TMEM260: variants seen among roughly 807,000 people sequenced by gnomAD.
The protein encoded by TMEM260 is protein O-mannosyl-transferase TMEM260.
Under a neutral mutation model 88.9 loss-of-function variants are expected in TMEM260, and 82 were observed. The ratio of observed to expected loss-of-function variants is 0.92; its 90% CI spans 0.77 to 1.11. The LOEUF (loss-of-function observed/expected upper bound fraction) is 1.11, where lower values mean the gene tolerates loss of function less well. Ranked by LOEUF, TMEM260 falls within the 50% of genes least tolerant of loss-of-function variation. The pLI, the probability that TMEM260 is intolerant of heterozygous loss-of-function variation, is 0.00. For missense variants in TMEM260, 902 were observed against 853.4 expected (o/e 1.06, Z -0.71); for synonymous variants, 314 against 309.3 (o/e 1.02, Z -0.16).
rs764892667 is a variant in TMEM260 at position 56,579,968 on chromosome 14, G to A, written c.54G>A (p.Val18=). ...AGGCCCAGGGGCGGGCAGTCCGAGT[G>A]GGGCTGCGGCGCTCCGGGGGCATCC... ...RGQAQGRAVR[V]GLRRSGGIRG... is the part of the protein sequence containing the mutation. The change falls in exon 1 of 16, where the codon GTG becomes GTA. Residue 18 remains valine, a synonymous_variant. Transcript: ENST00000261556. 8.0e-7 allele frequency: 1 copy of A among 1,242,274 alleles called. No homozygotes were observed. Among genetic ancestry groups the A allele is most frequent in the Non-Finnish European group, 1.0e-6 (1 of 988,888 alleles). 77.0% of individuals were successfully genotyped at this position (1,242,274 alleles called of 1,614,324 possible).
At chr14:56,656,755 A>T in the TMEM260 span, among the ~76,000 whole-genome samples, 1 of 152,220 alleles carries the variant, frequency 6.6e-6, no homozygotes, top group Non-Finnish European at 1.5e-5. Context: ...AATGATAATT[A>T]TAAATATAAA....
At chr14:56,615,795 C>A (rs1488883659) in intron 7 of TMEM260, 149 bp from the exon 8 acceptor site, 2 of 596,054 alleles carry the variant, frequency 3.4e-6, no homozygotes, top group East Asian at 2.6e-5. Context: ...TGCACTTTTT[C>A]TTCCAACTTT....
intron 3 of TMEM260, among the ~76,000 whole-genome samples, chr14:56,593,879 G>A (rs1886037157): frequency 6.7e-6 from 1 of 150,368 alleles, no homozygotes; most frequent in Non-Finnish European, 1.5e-5. Flanking sequence ...AGTAGAGACG[G>A]GGTTTCACCT....
At chr14:56,617,042 G>T in intron 8 of TMEM260, 141 bp from the exon 9 acceptor site, 1 of 470,304 alleles carries the variant, frequency 2.1e-6, no homozygotes, top group Non-Finnish European at 3.6e-6. Context: ...TTTCAACTCA[G>T]ATTTTAAAAA....
chr14:56,639,937 G>T (rs1416378731), intron 15 of TMEM260, among the ~76,000 whole-genome samples: 1 of 152,186 alleles, frequency 6.6e-6, no homozygotes, highest in African/African-American at 2.4e-5. Flanking sequence ...GGCTGGAGGA[G>T]GGGTGCCCGC....
Position 56,647,439 on chromosome 14 carries a change from G to A in TMEM260, c.2066G>A (p.Gly689Asp). The A allele has an allele frequency of 6.2e-7, 1 of 1,614,092 alleles. No individual in the cohort carries two copies. Residue 689 changes from glycine (G) to aspartate (D), a missense_variant, in exon 16 of 16, where the codon GGT becomes GAT. By Grantham distance (94) the Gly-to-Asp change is moderately conservative. Transcript: ENST00000261556. ...GACCCACAGCAAGCTGATATTTTAG[G>A]TGCTCTAAAGCACCTAAGAAAAGAA... ...PNDPQQADIL[G>D]ALKHLRKELQ...
intron 15 of TMEM260, among the ~76,000 whole-genome samples, chr14:56,645,194 CAT>C (rs1275603316): frequency 4.0e-5 from 6 of 150,664 alleles, no homozygotes; most frequent in East Asian, 4.0e-4. Context: ...CACATGCACA[CAT>C]ATGTTTATTG....
At chr14:56,608,721 T>G (rs191530490) in intron 5 of TMEM260, among the ~76,000 whole-genome samples, 41 of 152,304 alleles carry the variant, frequency 2.7e-4, no homozygotes, top group African/African-American at 9.1e-4. Flanking sequence ...GAATTGGTCT[T>G]AGAATTGTAT....
intron 3 of TMEM260, among the ~76,000 whole-genome samples, chr14:56,600,085 T>C (rs1174003380): frequency 6.6e-6 from 1 of 152,110 alleles, no homozygotes; most frequent in Non-Finnish European, 1.5e-5. Flanking sequence ...ATATGTGCAT[T>C]TTAAGGAGCA....
At chr14:56,603,249 C>G (rs1387794748) in intron 3 of TMEM260, among the ~76,000 whole-genome samples, 1 of 70,430 alleles carries the variant, frequency 1.4e-5, no homozygotes, top group East Asian at 4.3e-4. Context: ...TCACCGTTGT[C>G]TAAAGAAAAA....
At chr14:56,596,374 A>T (rs1386924902) in intron 3 of TMEM260, among the ~76,000 whole-genome samples, 1 of 90,404 alleles carries the variant, frequency 1.1e-5, no homozygotes, top group African/African-American at 4.2e-5. Flanking sequence ...ACACATATAT[A>T]TGTGAGAGTG....
chr14:56,635,867 T>C (rs756013851), intron 14 of TMEM260, among the ~76,000 whole-genome samples: 1 of 152,120 alleles, frequency 6.6e-6, no homozygotes, highest in Admixed American at 6.6e-5. Context: ...ATACTATAGT[T>C]TATGCAATAG....
At chr14:56,654,753 G>T (rs1890269297), downstream of TMEM260, among the ~76,000 whole-genome samples, 1 of 133,362 alleles carries the variant, frequency 7.5e-6, no homozygotes, top group Non-Finnish European at 1.5e-5. Context: ...GGCAGAGGTT[G>T]CAGTGAGCCA....
chr14:56,639,192 A>G (rs150216285), intron 15 of TMEM260, among the ~76,000 whole-genome samples: 230 of 152,286 alleles, frequency 1.5e-3, no homozygotes, highest in African/African-American at 5.5e-3. Context: ...GTACAAAAAT[A>G]TAGTGAGACA....
chr14:56,587,673 T>A (rs1402969597), intron 3 of TMEM260, among the ~76,000 whole-genome samples: 1 of 152,080 alleles, frequency 6.6e-6, no homozygotes, highest in Non-Finnish European at 1.5e-5. Flanking sequence ...GAAAAGTTGC[T>A]TTCTTTCAGA....
At chr14:56,657,394 A>G in the TMEM260 span, among the ~76,000 whole-genome samples, 1 of 152,168 alleles carries the variant, frequency 6.6e-6, no homozygotes, top group Admixed American at 6.5e-5. Flanking sequence ...CTGTCACCTC[A>G]GCCTCCTAAA....
rs34295946 is a variant in TMEM260 at position 56,647,186 on chromosome 14, GA to G, written c.1870-46del. On this transcript the variant is annotated intron_variant, in intron 15 of 15. Transcript: ENST00000261556. ...AATTCCTCTGTGTTTTTTTGTTTTTGAAAAAAAAAAAGTCAAAGAATAACAA... is the reference window on the plus strand; with the variant it reads ...AATTCCTCTGTGTTTTTTTGTTTTTGAAAAAAAAAAGTCAAAGAATAACAA... 7.7e-3 allele frequency: 8,569 copies of G among 1,109,002 alleles called. 8 individuals are homozygous for G. Among genetic ancestry groups the G allele is most frequent in the South Asian group, 0.015 (812 of 55,214 alleles). 68.7% of individuals were successfully genotyped at this position (1,109,002 alleles called of 1,614,324 possible). A position where few individuals can be genotyped will look rare whatever the true frequency, so the allele number is the denominator to read the frequency against.
At chr14:56,627,705 C>A in intron 12 of TMEM260, among the ~76,000 whole-genome samples, 1 of 152,220 alleles carries the variant, frequency 6.6e-6, no homozygotes, top group Admixed American at 6.5e-5. Flanking sequence ...TATCTAAATG[C>A]ATACCTCTGA....
chr14:56,643,668 G>A (rs896152303), intron 15 of TMEM260, among the ~76,000 whole-genome samples: 3 of 152,130 alleles, frequency 2.0e-5, no homozygotes, highest in Non-Finnish European at 4.4e-5. Context: ...AGGGCAGTCA[G>A]GCAGGAGAAG....
Sources: gnomAD v4.1 joint callset for allele counts (sites outside exome capture counted in the v4.1 genomes callset) on GRCh38, gnomAD v4.1.1 for gene constraint, MANE v1.5 for transcripts, NCBI Gene and HGNC (gene_info 2026-07-23, HGNC 2026-07-21) for gene names.